Variants in PARD3B observed in about 807,000 individuals in gnomAD.
PARD3B encodes partitioning defective 3 homolog B.
PARD3B carries 103 observed loss-of-function variants against 130.2 expected under a neutral mutation model. The ratio of observed to expected loss-of-function variants is 0.79; its 90% CI spans 0.67 to 0.93. The LOEUF is 0.93. PARD3B is among the 40% of genes least tolerant of loss of function. The pLI is 0.00. For missense variants in PARD3B, 1,609 were observed against 1,499.2 expected (o/e 1.07, Z -1.21); for synonymous variants, 583 against 553.2 (o/e 1.05, Z -0.76).
At chr2:205,196,093 A>G (rs1049362023) in intron 15 of PARD3B, among the ~76,000 whole-genome samples, 6 of 152,178 alleles carry the variant, frequency 3.9e-5, no homozygotes, top group Non-Finnish European at 7.4e-5. Context: ...CAATTAAGAA[A>G]AAATAAAGCC....
chr2:205,053,223 A>T (rs760448130), intron 4 of PARD3B, among the ~76,000 whole-genome samples: 18 of 151,886 alleles, frequency 1.2e-4, no homozygotes, highest in Non-Finnish European at 1.8e-4. Context: ...ACTTCCTCAG[A>T]CCCATGAAAG....
In PARD3B at chr2:205,615,483, T is replaced by A. The variant is rs2055394687; in HGVS notation, c.3288T>A (p.Tyr1096Ter). The change falls in exon 23 of 23, where the codon TAT becomes TAA. Residue 1096 changes from tyrosine to a stop codon, truncating the protein, a stop_gained. Transcript: ENST00000406610. LOFTEE classifies it high-confidence loss of function. ...GAGGACCCGCAGATCCTGTAGACTA[T>A]CTGCCAGCAGCACCTCGGGGGCTCT... ...PRGGPADPVD[Y>*]LPAAPRGLYK... 6.2e-7 allele frequency: 1 copy of A among 1,610,518 alleles called. No homozygotes were observed. The highest frequency in any genetic ancestry group is 1.3e-5 in the African/African-American group (1 of 74,804).
rs563872185 is a variant in PARD3B at position 204,962,115 on chromosome 2, C to A, written c.223-3037C>A. 4.7e-4 allele frequency among the ~76,000 whole-genome samples: 71 copies of A among 152,182 alleles called. No individual in the cohort carries two copies. The South Asian group carries it at 0.014, about 31-fold the overall frequency. ...TGGGGATTAGATGCTTAAATACTGA[C>A]AGAGATCTTGTGGGAACAGGAGTTT... On this transcript the variant is annotated intron_variant, in intron 2 of 22. Coordinates refer to ENST00000406610, the MANE Select transcript of PARD3B (RefSeq NM_001302769.2).
chr2:205,487,086 A>G (rs1026227650), intron 20 of PARD3B, among the ~76,000 whole-genome samples: 4 of 152,310 alleles, frequency 2.6e-5, no homozygotes, highest in Non-Finnish European at 5.9e-5. Context: ...GATTGGCCTC[A>G]TGGTCACTTA....
At chr2:204,725,458 A>T (rs1355979755) in intron 2 of PARD3B, among the ~76,000 whole-genome samples, 3 of 152,164 alleles carry the variant, frequency 2.0e-5, no homozygotes, top group Non-Finnish European at 4.4e-5. Context: ...TTCATTTGCC[A>T]TATTTTATTT....
chr2:204,630,883 T>C (rs567210973), intron 1 of PARD3B, among the ~76,000 whole-genome samples: 1 of 152,276 alleles, frequency 6.6e-6, no homozygotes, highest in East Asian at 1.9e-4. Flanking sequence ...TAGTGGTCTA[T>C]TTTATTAATT....
chr2:205,277,664 G>A, intron 16 of PARD3B, among the ~76,000 whole-genome samples: 1 of 152,086 alleles, frequency 6.6e-6, no homozygotes, highest in East Asian at 1.9e-4. Flanking sequence ...GGGAACTGAT[G>A]TCTTTGAAGT....
chr2:204,919,719 A>G (rs2047591222), intron 2 of PARD3B, among the ~76,000 whole-genome samples: 1 of 151,972 alleles, frequency 6.6e-6, no homozygotes, highest in East Asian at 1.9e-4. Flanking sequence ...TTAAAATATG[A>G]CTCTTCTTTC....
intron 18 of PARD3B, among the ~76,000 whole-genome samples, chr2:205,373,633 T>A (rs762706958): frequency 3.3e-5 from 5 of 152,154 alleles, no homozygotes; most frequent in Non-Finnish European, 7.4e-5. Context: ...GAGAGGAAAA[T>A]CTTAATTCAA....
chr2:205,206,054 C>T (rs1413530973), intron 15 of PARD3B, among the ~76,000 whole-genome samples: 1 of 151,966 alleles, frequency 6.6e-6, no homozygotes, highest in African/African-American at 2.4e-5. Flanking sequence ...TGGTAGAGTT[C>T]GGCTGTGACT....
chr2:205,039,848 A>T (rs1698269121), intron 3 of PARD3B, among the ~76,000 whole-genome samples: 1 of 152,226 alleles, frequency 6.6e-6, no homozygotes, highest in African/African-American at 2.4e-5. Context: ...ACTTACCCAG[A>T]TAGAGAATGT....
chr2:204,553,667 T>TATATATTTATATATATCC (rs2030679681), intron 1 of PARD3B, among the ~76,000 whole-genome samples: 2 of 32,324 alleles, frequency 6.2e-5, no homozygotes, highest in Non-Finnish European at 2.1e-4. Flanking sequence ...TATATATATA[T>TATATATTTATATATATCC]ATATATATAT....
In PARD3B at chr2:204,970,258, T is replaced by C. The variant is rs1279916053; in HGVS notation, c.394+4935T>C. Among the ~76,000 whole-genome samples the C allele has an allele frequency of 2.6e-5, 4 of 152,324 alleles. 1 individual carries two copies. Among genetic ancestry groups the C allele is most frequent in the African/African-American group, 9.6e-5 (4 of 41,582 alleles). On this transcript the variant is annotated intron_variant, in intron 3 of 22. Coordinates refer to ENST00000406610, the MANE Select transcript of PARD3B (RefSeq NM_001302769.2). ...CTTTGTCCCTTGAGAGTCAGTGATA[T>C]GGAGCTAGTTCTAGACCCTGCAGTA...
At chr2:204,804,241 C>T (rs1242198951) in intron 2 of PARD3B, among the ~76,000 whole-genome samples, 2 of 151,912 alleles carry the variant, frequency 1.3e-5, no homozygotes, top group Non-Finnish European at 2.9e-5. Context: ...AAAAACAACT[C>T]TTGCCTACAA....
rs1208181366 is a variant in PARD3B at position 205,445,150 on chromosome 2, G to C, written c.3044+4478G>C. Among the ~76,000 whole-genome samples the C allele has an allele frequency of 4.6e-5, 7 of 152,056 alleles. No homozygotes were observed. The East Asian group carries it at 1.4e-3, about 29-fold the overall frequency. On this transcript the variant is annotated intron_variant, in intron 20 of 22. Coordinates refer to ENST00000406610, the MANE Select transcript of PARD3B (RefSeq NM_001302769.2). ...TTCTCATATGATTACTGCAGAAACT[G>C]GGGCCCAGAGAAGATGAGTGACTTG... is the stretch of plus-strand genomic sequence containing the variant.
chr2:205,466,130 G>A (rs77427413), intron 20 of PARD3B, among the ~76,000 whole-genome samples: 1 of 152,216 alleles, frequency 6.6e-6, no homozygotes, highest in Non-Finnish European at 1.5e-5. Flanking sequence ...TAAGCTCCCA[G>A]GTGACACTCA....
chr2:205,010,146 G>A (rs1695600735), intron 3 of PARD3B, among the ~76,000 whole-genome samples: 7 of 152,160 alleles, frequency 4.6e-5, no homozygotes, highest in Admixed American at 4.6e-4. Context: ...GAGAGAAGGA[G>A]TGGAGAGAGT....
At chr2:204,651,811 C>T (rs2035487952) in intron 1 of PARD3B, among the ~76,000 whole-genome samples, 1 of 152,228 alleles carries the variant, frequency 6.6e-6, no homozygotes, top group Non-Finnish European at 1.5e-5. Flanking sequence ...TAGGCAGAGG[C>T]TCCCAAAGCT....
chr2:204,815,233 C>G (rs192782414), intron 2 of PARD3B, among the ~76,000 whole-genome samples: 22 of 152,022 alleles, frequency 1.4e-4, no homozygotes, highest in Admixed American at 2.0e-4. Context: ...GGTTAATGAG[C>G]TCACTTGATG....
Sources: gnomAD v4.1 joint callset for allele counts (sites outside exome capture counted in the v4.1 genomes callset) on GRCh38, gnomAD v4.1.1 for gene constraint, MANE v1.5 for transcripts, NCBI Gene and HGNC (gene_info 2026-07-23, HGNC 2026-07-21) for gene names.